The following GRM7 variants were observed in gnomAD, a reference collection of about 807,000 sequenced individuals.
GRM7 encodes the protein metabotropic glutamate receptor 7.
In GRM7, 35 loss-of-function variants were observed where a neutral mutation model predicts 84.5. That is an observed-to-expected ratio of 0.41 (90% CI 0.32 to 0.55). The LOEUF (loss-of-function observed/expected upper bound fraction) is 0.55. Ranked by LOEUF, GRM7 falls within the 20% of genes least tolerant of loss-of-function variation. The pLI, the probability that GRM7 is intolerant of heterozygous loss-of-function variation, is 0.19. For missense variants in GRM7, 1,003 were observed against 1,194.6 expected (o/e 0.84, Z 2.36); for synonymous variants, 487 against 455.1 (o/e 1.07, Z -0.89).
chr3:7,355,568 A>G (rs548982956), intron 4 of GRM7, among the ~76,000 whole-genome samples: 1 of 152,082 alleles, frequency 6.6e-6, no homozygotes, highest in Non-Finnish European at 1.5e-5. Flanking sequence ...TCTCCTTTAG[A>G]GAGACAGCTT....
At chr3:7,246,145 C>T (rs1281721020) in intron 2 of GRM7, among the ~76,000 whole-genome samples, 1 of 151,950 alleles carries the variant, frequency 6.6e-6, no homozygotes, top group Admixed American at 6.6e-5. Flanking sequence ...AGTATGGTAT[C>T]TGATTACAAT....
At chr3:7,727,225 C>A (rs115829461) in intron 9 of GRM7, among the ~76,000 whole-genome samples, 2,067 of 152,124 alleles carry the variant, frequency 0.014, 43 homozygotes, top group African/African-American at 0.048. Flanking sequence ...ATTTAATCAC[C>A]CTTTAATGTT....
chr3:7,397,485 C>A (rs1695259063), intron 4 of GRM7, among the ~76,000 whole-genome samples: 1 of 152,142 alleles, frequency 6.6e-6, no homozygotes, highest in Non-Finnish European at 1.5e-5. Context: ...ACCTAATATT[C>A]AGTAGCATAA....
chr3:7,693,635 G>A, intron 9 of GRM7: 4 of 1,520,920 alleles, frequency 2.6e-6, no homozygotes, highest in Non-Finnish European at 3.5e-6. Context: ...TTATTCAGGT[G>A]AGAAGTGCAA....
At chr3:7,703,262 CCA>C (rs1439107126) in intron 9 of GRM7, among the ~76,000 whole-genome samples, 1 of 152,084 alleles carries the variant, frequency 6.6e-6, no homozygotes, top group African/African-American at 2.4e-5. Context: ...GGACCCCACT[CCA>C]GACCTGCTGA....
At chr3:7,688,686 C>T (rs1700678600) in intron 9 of GRM7, among the ~76,000 whole-genome samples, 1 of 152,078 alleles carries the variant, frequency 6.6e-6, no homozygotes, top group African/African-American at 2.4e-5. Flanking sequence ...TAAGTGATTG[C>T]TTTTGGGGAG....
chr3:6,959,422 G>A (rs1392886598), intron 1 of GRM7, among the ~76,000 whole-genome samples: 1 of 152,028 alleles, frequency 6.6e-6, no homozygotes, highest in Non-Finnish European at 1.5e-5. Flanking sequence ...ATGTAAAATA[G>A]CAGTTAAAGT....
chr3:7,528,707 T>A (rs894762384), intron 7 of GRM7, among the ~76,000 whole-genome samples: 1 of 152,112 alleles, frequency 6.6e-6, no homozygotes, highest in Non-Finnish European at 1.5e-5. Flanking sequence ...CATTTTGGTA[T>A]GTTGTGTCTG....
At chr3:6,990,899 A>T (rs1694610054) in intron 1 of GRM7, among the ~76,000 whole-genome samples, 1 of 152,154 alleles carries the variant, frequency 6.6e-6, no homozygotes, top group South Asian at 2.1e-4. Context: ...CCTGTGGCCC[A>T]GGACTGCTTA....
At chr3:7,378,300 G>A (rs999032449) in intron 4 of GRM7, among the ~76,000 whole-genome samples, 2 of 152,114 alleles carry the variant, frequency 1.3e-5, no homozygotes, top group Non-Finnish European at 1.5e-5. Flanking sequence ...GAAAGAAAAA[G>A]GCAGAGATGA....
intron 9 of GRM7, chr3:7,693,750 A>AACTT (rs943407408): frequency 3.0e-6 from 3 of 994,870 alleles, no homozygotes; most frequent in Non-Finnish European, 4.6e-6. Flanking sequence ...CCCACCAATG[A>AACTT]ACTTAATGAT....
intron 8 of GRM7, among the ~76,000 whole-genome samples, chr3:7,585,104 A>T (rs1695459086): frequency 6.6e-6 from 1 of 152,174 alleles, no homozygotes; most frequent in South Asian, 2.1e-4. Flanking sequence ...CAGGAGAGAG[A>T]GGTGTCCCAG....
chr3:7,647,266 T>C (rs902497752), intron 8 of GRM7, among the ~76,000 whole-genome samples: 2 of 152,252 alleles, frequency 1.3e-5, no homozygotes, highest in Non-Finnish European at 2.9e-5. Context: ...CAGTGGCCCC[T>C]GCCTTGCTCT....
intron 5 of GRM7, among the ~76,000 whole-genome samples, chr3:7,433,860 A>T (rs1395790814): frequency 1.3e-5 from 2 of 152,214 alleles, no homozygotes; most frequent in African/African-American, 4.8e-5. Context: ...ATTCTTTAGT[A>T]CACACCCAAA....
chr3:7,513,045 A>C (rs1225068732), intron 7 of GRM7, among the ~76,000 whole-genome samples: 3 of 152,240 alleles, frequency 2.0e-5, no homozygotes, highest in Non-Finnish European at 4.4e-5. Context: ...GGAGAAAATA[A>C]ATGAGCCCAG....
At chr3:7,632,783 A>C (rs1258159679) in intron 8 of GRM7, among the ~76,000 whole-genome samples, 1 of 152,224 alleles carries the variant, frequency 6.6e-6, no homozygotes, top group Non-Finnish European at 1.5e-5. Context: ...CTGTCATCCT[A>C]CAATCTATTT....
chr3:7,485,452 T>C (rs188198044), intron 7 of GRM7, among the ~76,000 whole-genome samples: 24 of 152,334 alleles, frequency 1.6e-4, no homozygotes, highest in Admixed American at 9.2e-4. Context: ...ACCTCATCAG[T>C]TCTAATACCA....
At chr3:7,401,451 A>C (rs556290892) in intron 4 of GRM7, among the ~76,000 whole-genome samples, 1 of 152,192 alleles carries the variant, frequency 6.6e-6, no homozygotes, top group South Asian at 2.1e-4. Flanking sequence ...AGTTCATCCC[A>C]TTGCTCTCTC....
intron 1 of GRM7, among the ~76,000 whole-genome samples, chr3:6,918,334 G>A (rs1339258898): frequency 6.6e-6 from 1 of 152,130 alleles, no homozygotes; most frequent in East Asian, 1.9e-4. Flanking sequence ...ACGACATAGG[G>A]AATAAACTGT....
Sources: allele counts gnomAD v4.1 joint callset (sites outside exome capture counted in the v4.1 genomes callset), GRCh38; gene constraint gnomAD v4.1.1; transcripts MANE v1.5; gene names NCBI Gene and HGNC (gene_info 2026-07-23, HGNC 2026-07-21).